PACS1: variants seen among roughly 807,000 people sequenced by gnomAD.
PACS1 encodes the protein phosphofurin acidic cluster sorting protein 1, also known as PACS-1.
In PACS1, 24 loss-of-function variants were observed where a neutral mutation model predicts 115.0. That is an observed-to-expected ratio of 0.21 (90% CI 0.15 to 0.29). The LOEUF is 0.29. Among genes scored for constraint, PACS1 ranks in the 10% least tolerant of loss-of-function variants. PACS1 has a pLI of 1.00. For synonymous variants in PACS1, 453 were observed against 504.5 expected (o/e 0.90, Z 1.37); for missense variants, 838 against 1,251.2 (o/e 0.67, Z 4.98).
At chr11:66,121,081 C>G (rs113855658) in intron 1 of PACS1, 55 of 456,158 alleles carry the variant, frequency 1.2e-4, no homozygotes, top group African/African-American at 8.8e-4. Flanking sequence ...AGTCTGTCGG[C>G]ACTGTTTTTC....
At chr11:66,237,575 C>T (rs1238047360) in intron 19 of PACS1, among the ~76,000 whole-genome samples, 2 of 152,208 alleles carry the variant, frequency 1.3e-5, no homozygotes, top group Non-Finnish European at 2.9e-5. Flanking sequence ...TGCAGTCTAG[C>T]CAGTCCCCGG....
intron 2 of PACS1, among the ~76,000 whole-genome samples, chr11:66,203,869 A>C (rs1386844868): frequency 8.1e-6 from 1 of 124,100 alleles, no homozygotes; most frequent in Non-Finnish European, 1.9e-5. Context: ...TTGACTGGAG[A>C]CTTAACTCTA....
intron 7 of PACS1, 80 bp from the exon 8 acceptor site, chr11:66,219,666 G>T: frequency 1.0e-6 from 1 of 1,001,966 alleles, no homozygotes. Flanking sequence ...TCATGAAAGT[G>T]GGCTCTGGTG....
At chr11:66,169,798 T>C (rs1225193604) in intron 1 of PACS1, among the ~76,000 whole-genome samples, 1 of 150,272 alleles carries the variant, frequency 6.7e-6, no homozygotes, top group Non-Finnish European at 1.5e-5. Flanking sequence ...GGCTAATTAT[T>C]TTTCTTTCTT....
At chr11:66,178,609 T>C (rs1213378591) in intron 1 of PACS1, among the ~76,000 whole-genome samples, 1 of 152,148 alleles carries the variant, frequency 6.6e-6, no homozygotes, top group Non-Finnish European at 1.5e-5. Context: ...TAGTAACTCA[T>C]TTAGAATAAC....
chr11:66,230,327 G>C, intron 11 of PACS1: 1 of 557,958 alleles, frequency 1.8e-6, no homozygotes, highest in South Asian at 2.1e-5. Flanking sequence ...ATATTTACTG[G>C]ATTGCAGCAT....
At chr11:66,108,029 G>C (rs1858091139) in intron 1 of PACS1, among the ~76,000 whole-genome samples, 1 of 152,130 alleles carries the variant, frequency 6.6e-6, no homozygotes. Flanking sequence ...CATCATGACA[G>C]CTGCCAACAA....
At chr11:66,204,802 C>A (rs1365199936) in intron 2 of PACS1, among the ~76,000 whole-genome samples, 1 of 151,896 alleles carries the variant, frequency 6.6e-6, no homozygotes, top group African/African-American at 2.4e-5. Flanking sequence ...TATGGGCAGT[C>A]GGGCAGTGAT....
intron 1 of PACS1, among the ~76,000 whole-genome samples, chr11:66,173,526 G>GGT (rs1403789348): frequency 1.3e-5 from 2 of 151,968 alleles, no homozygotes; most frequent in African/African-American, 2.4e-5. Context: ...TGGCCATCAT[G>GGT]GTGAAACCCT....
intron 1 of PACS1, among the ~76,000 whole-genome samples, chr11:66,108,779 A>T (rs1481797284): frequency 6.6e-6 from 1 of 151,958 alleles, no homozygotes; most frequent in Admixed American, 6.6e-5. Context: ...AGAAAGAGAG[A>T]AAGAGAGAAG....
intron 1 of PACS1, among the ~76,000 whole-genome samples, chr11:66,119,342 C>T (rs889179538): frequency 2.0e-5 from 3 of 152,192 alleles, no homozygotes; most frequent in Non-Finnish European, 4.4e-5. Flanking sequence ...CATGCTCATT[C>T]GTTTGTATAT....
Position 66,235,666 on chromosome 11 carries a change from G to A in PACS1, c.2208-232G>A, listed in dbSNP as rs911974660. The A allele has an allele frequency of 4.1e-5, 25 of 611,664 alleles. No individual in the cohort carries two copies. Among genetic ancestry groups the A allele is most frequent in the Non-Finnish European group, 5.6e-5 (19 of 341,106 alleles). 37.9% of individuals were successfully genotyped at this position (611,664 alleles called of 1,614,324 possible). On this transcript the variant is annotated intron_variant, in intron 18 of 23. Coordinates refer to ENST00000320580, the MANE Select transcript of PACS1 (RefSeq NM_018026.4). This position sits in a 1 kb window ranked among gnomAD's most constrained non-coding sequence, Gnocchi z 5.6. ...CCATCCTCATAGCTGGAACTCAGACGTGGGAAGCAGGGAGCGTAGCTTGCA... is the reference window on the plus strand; with the variant it reads ...CCATCCTCATAGCTGGAACTCAGACATGGGAAGCAGGGAGCGTAGCTTGCA...
intron 1 of PACS1, among the ~76,000 whole-genome samples, chr11:66,090,631 G>A (rs1445252229): frequency 6.6e-6 from 1 of 152,134 alleles, no homozygotes; most frequent in East Asian, 1.9e-4. Flanking sequence ...GCACTGATCT[G>A]TTGGGATTCC....
chr11:66,206,090 A>G (rs1049220611), intron 2 of PACS1, among the ~76,000 whole-genome samples: 3 of 152,132 alleles, frequency 2.0e-5, no homozygotes, highest in Non-Finnish European at 4.4e-5. Context: ...GGAGGTTGCA[A>G]TGAGTTAAGA....
At chr11:66,138,628 T>G (rs1041190747) in intron 1 of PACS1, among the ~76,000 whole-genome samples, 1 of 152,086 alleles carries the variant, frequency 6.6e-6, no homozygotes, top group East Asian at 1.9e-4. Context: ...ATTGTTAGGC[T>G]TACTGCTGAT....
intron 1 of PACS1, among the ~76,000 whole-genome samples, chr11:66,089,714 A>G (rs1857625883): frequency 6.6e-6 from 1 of 152,150 alleles, no homozygotes; most frequent in Non-Finnish European, 1.5e-5. Flanking sequence ...CACCATAGAA[A>G]TGCCATTGGT....
intron 1 of PACS1, among the ~76,000 whole-genome samples, chr11:66,091,566 A>C (rs887416018): frequency 3.3e-5 from 5 of 149,534 alleles, no homozygotes; most frequent in Non-Finnish European, 1.5e-5. Context: ...ACATGTGCAC[A>C]ATGTGCAGGT....
chr11:66,179,930 C>G (rs1859961617), intron 1 of PACS1, among the ~76,000 whole-genome samples: 1 of 152,130 alleles, frequency 6.6e-6, no homozygotes, highest in Non-Finnish European at 1.5e-5. Flanking sequence ...CAGCTCACTG[C>G]AACCTCCGCC....
chr11:66,234,035 G>A (rs1433667937), intron 16 of PACS1, 96 bp downstream of exon 16: 1 of 1,555,720 alleles, frequency 6.4e-7, no homozygotes, highest in Non-Finnish European at 8.8e-7. Context: ...GCCTAGGAAG[G>A]GACAGTCAAG....
Sources: gnomAD v4.1 joint callset for allele counts (sites outside exome capture counted in the v4.1 genomes callset) on GRCh38, gnomAD v4.1.1 for gene constraint, Gnocchi (gnomAD v3.1) non-coding constraint, MANE v1.5 for transcripts, NCBI Gene and HGNC (gene_info 2026-07-23, HGNC 2026-07-21) for gene names.